Variants in TNRC6B observed in about 807,000 individuals in gnomAD.
The protein encoded by TNRC6B is trinucleotide repeat containing adaptor 6B.
TNRC6B carries 52 observed loss-of-function variants against 203.6 expected under a neutral mutation model. That is an observed-to-expected ratio of 0.26 (90% confidence interval 0.20 to 0.32). The LOEUF (loss-of-function observed/expected upper bound fraction) is 0.32, where lower values mean the gene tolerates loss of function less well. Among genes scored for constraint, TNRC6B ranks in the 10% least tolerant of loss-of-function variants. TNRC6B has a pLI of 1.00. For missense variants in TNRC6B, 1,923 were observed against 2,286.2 expected (o/e 0.84, Z 3.24); for synonymous variants, 838 against 845.7 (o/e 0.99, Z 0.16).
intron 4 of TNRC6B, among the ~76,000 whole-genome samples, chr22:40,163,397 CAAA>C (rs1032013873): frequency 1.7e-3 from 34 of 20,082 alleles, no homozygotes; most frequent in Non-Finnish European, 2.4e-3. Context: ...GACCCTGTCT[CAAA>C]AAAAAAAAAA....
intron 1 of TNRC6B, among the ~76,000 whole-genome samples, chr22:40,048,869 T>G (rs925267575): frequency 6.6e-6 from 1 of 151,912 alleles, no homozygotes; most frequent in Non-Finnish European, 1.5e-5. Flanking sequence ...CTGACAGAGT[T>G]TCGCTCTGTC....
chr22:40,312,748 A>T, intron 18 of TNRC6B, 97 bp downstream of exon 18: 1 of 1,509,664 alleles, frequency 6.6e-7, no homozygotes, highest in Non-Finnish European at 9.0e-7. Flanking sequence ...CTAAAAGTTT[A>T]ACCAAAAAAT....
intron 2 of TNRC6B, among the ~76,000 whole-genome samples, chr22:40,124,335 T>C (rs1241962321): frequency 1.3e-5 from 2 of 151,306 alleles, no homozygotes; most frequent in African/African-American, 2.4e-5. Flanking sequence ...TTTTTTTTTT[T>C]TTTTTGAGAC....
intron 8 of TNRC6B, among the ~76,000 whole-genome samples, chr22:40,277,460 T>C (rs1257703362): frequency 6.6e-6 from 1 of 152,230 alleles, no homozygotes; most frequent in Non-Finnish European, 1.5e-5. Flanking sequence ...AGTTTTCATA[T>C]TATGATTTTT....
intron 3 of TNRC6B, among the ~76,000 whole-genome samples, chr22:40,252,981 A>G (rs1385465260): frequency 1.3e-5 from 2 of 152,352 alleles, no homozygotes; most frequent in East Asian, 3.9e-4. Flanking sequence ...AGGCCTGGCC[A>G]CAAGACTGAT....
At chr22:40,093,922 C>G (rs1026147436) in intron 1 of TNRC6B, among the ~76,000 whole-genome samples, 1 of 151,132 alleles carries the variant, frequency 6.6e-6, no homozygotes, top group Non-Finnish European at 1.5e-5. Flanking sequence ...TAACAATAAT[C>G]TATTGTATAT....
Position 40,149,676 on chromosome 22 carries a change from C to T in TNRC6B, c.46-6439C>T, listed in dbSNP as rs554925799. Among the ~76,000 whole-genome samples the T allele has an allele frequency of 1.3e-4, 15 of 114,128 alleles. No individual in the cohort carries two copies. In the East Asian group the frequency reaches 2.0e-3, roughly 15 times the overall value. 74.9% of individuals were successfully genotyped at this position (114,128 alleles called of 152,430 possible). A position where few individuals can be genotyped will look rare whatever the true frequency, so the allele number is the denominator to read the frequency against. ...AGAGCGAGACTCCGTCTCCCTCCCC[C>T]GCCAAAAAAAAAAAAAAAAAAAAAA... is the stretch of plus-strand genomic sequence containing the variant. On this transcript the variant is annotated intron_variant, in intron 3 of 23. Transcript: ENST00000301923.
chr22:40,115,928 A>G (rs2068383370), intron 1 of TNRC6B, among the ~76,000 whole-genome samples: 1 of 152,238 alleles, frequency 6.6e-6, no homozygotes, highest in Non-Finnish European at 1.5e-5. Context: ...GCTGTGATAC[A>G]GTGTACAGTA....
rs925163462 is a variant in TNRC6B at position 40,166,234 on chromosome 22, A to T, written c.113+10052A>T. On this transcript the variant is annotated intron_variant, in intron 4 of 23. Transcript: ENST00000301923. Reference sequence around the variant, plus strand: ...GTGGGAATACTCTTCAAGAAAAAGCAAACTAATTTCAAAGACAAAACTAGG... The same window carrying T: ...GTGGGAATACTCTTCAAGAAAAAGCTAACTAATTTCAAAGACAAAACTAGG... Among the ~76,000 whole-genome samples, 5 of 152,180 alleles carry T rather than the reference A, an allele frequency of 3.3e-5. No homozygotes were observed. In the South Asian group the frequency reaches 1.0e-3, roughly 31 times the overall value.
intron 1 of TNRC6B, among the ~76,000 whole-genome samples, chr22:40,201,215 A>G (rs868220898): frequency 6.6e-6 from 1 of 152,142 alleles, no homozygotes; most frequent in South Asian, 2.1e-4. Flanking sequence ...AAATTTGGCT[A>G]CCTTTCTGTT....
At chr22:40,320,468 A>G (rs2071320512) in intron 21 of TNRC6B, among the ~76,000 whole-genome samples, 2 of 152,214 alleles carry the variant, frequency 1.3e-5, no homozygotes. Context: ...CAACAGAGCA[A>G]GGCTCTGTCT....
chr22:40,223,340 C>CTTA (rs1045368455), intron 1 of TNRC6B, among the ~76,000 whole-genome samples: 1 of 152,094 alleles, frequency 6.6e-6, no homozygotes, highest in African/African-American at 2.4e-5. Context: ...GGGGTTTCAC[C>CTTA]TTATTGGTCA....
Position 40,197,257 on chromosome 22 carries a change from C to T in TNRC6B, c.5+19117C>T, listed in dbSNP as rs116472113. 7.9e-3 allele frequency among the ~76,000 whole-genome samples: 1,205 copies of T among 151,830 alleles called. 13 individuals carry two copies. Among genetic ancestry groups the T allele is most frequent in the African/African-American group, 0.027 (1,109 of 41,420 alleles). ...CAGAATAGGAGGTCTTTGGGAGCAT[C>T]CCTGGCTGGCTGCTGAAAGGTGTTT... On this transcript the variant is annotated intron_variant, in intron 1 of 22. Transcript: ENST00000454349.
In TNRC6B at chr22:40,333,487, C is replaced by T. The variant is rs899378184; in HGVS notation, c.*10246C>T. 11 of 152,634 alleles carry T rather than the reference C, an allele frequency of 7.2e-5. No individual in the cohort carries two copies. The highest frequency in any genetic ancestry group is 2.7e-4 in the African/African-American group (11 of 41,430). The allele number at this position is 152,634 out of a possible 1,614,324, so 9.5% of individuals were successfully genotyped here. On this transcript the variant is annotated 3_prime_UTR_variant, in exon 23 of 23. Coordinates refer to ENST00000454349, the MANE Select transcript of TNRC6B (RefSeq NM_001162501.2). ...TCCCCTGCAGGGACTCCAGAATGTT[C>T]TCCACACAATACCTGGAGCTCTCAA... is the stretch of plus-strand genomic sequence containing the variant.
At chr22:40,158,167 G>C (rs2068834940) in intron 4 of TNRC6B, among the ~76,000 whole-genome samples, 1 of 151,928 alleles carries the variant, frequency 6.6e-6, no homozygotes, top group South Asian at 2.1e-4. Flanking sequence ...GTGAAACCCT[G>C]TCTCTAGTAA....
intron 1 of TNRC6B, among the ~76,000 whole-genome samples, chr22:40,066,312 G>T (rs750773621): frequency 6.6e-6 from 1 of 152,146 alleles, no homozygotes; most frequent in African/African-American, 2.4e-5. Flanking sequence ...GTTGTTTCAG[G>T]TATGAGGATA....
intron 12 of TNRC6B, among the ~76,000 whole-genome samples, chr22:40,289,264 A>G (rs1335918670): frequency 6.6e-6 from 1 of 152,122 alleles, no homozygotes; most frequent in Non-Finnish European, 1.5e-5. Context: ...CCTGGGCAAC[A>G]GAGCAAGACC....
intron 1 of TNRC6B, among the ~76,000 whole-genome samples, chr22:40,069,304 C>T (rs1210100300): frequency 6.6e-6 from 1 of 151,586 alleles, no homozygotes. Context: ...TGGGGTCTCC[C>T]TATGTTGTCC....
chr22:40,133,770 A>T (rs1390298910), intron 3 of TNRC6B, among the ~76,000 whole-genome samples: 1 of 151,882 alleles, frequency 6.6e-6, no homozygotes, highest in African/African-American at 2.4e-5. Context: ...GGAGTTCGAG[A>T]CCAGCCTGAC....
Sources: allele counts gnomAD v4.1 joint callset (sites outside exome capture counted in the v4.1 genomes callset), GRCh38; gene constraint gnomAD v4.1.1; transcripts MANE v1.5; gene names NCBI Gene and HGNC (gene_info 2026-07-23, HGNC 2026-07-21).